The following CSTPP1 variants were observed in gnomAD, a reference collection of about 807,000 sequenced individuals.
CSTPP1 encodes the protein centriolar satellite-associated tubulin polyglutamylase complex regulator 1.
the CSTPP1 span, chr11:46,987,242 A>C: frequency 6.2e-7 from 1 of 1,614,174 alleles, no homozygotes; most frequent in Non-Finnish European, 8.5e-7. Context: ...TGGAGGATGC[A>C]GTGTGCCAGC....
At chr11:47,071,858 G>A in the CSTPP1 span, among the ~76,000 whole-genome samples, 1 of 152,248 alleles carries the variant, frequency 6.6e-6, no homozygotes, top group Non-Finnish European at 1.5e-5. Flanking sequence ...ACTATTTGCT[G>A]TTTGTTTGTG....
At chr11:47,162,436 G>A in the CSTPP1 span, among the ~76,000 whole-genome samples, 1 of 152,184 alleles carries the variant, frequency 6.6e-6, no homozygotes, top group Non-Finnish European at 1.5e-5. Context: ...GCTCACAGCT[G>A]GAACGGCCTT....
chr11:47,157,626 T>A, the CSTPP1 span, among the ~76,000 whole-genome samples: 1 of 140,356 alleles, frequency 7.1e-6, no homozygotes, highest in South Asian at 2.6e-4. Context: ...CCCACCCCGG[T>A]GAAAGCACCA....
the CSTPP1 span, chr11:47,159,583 G>A: frequency 4.4e-6 from 2 of 455,972 alleles, no homozygotes; most frequent in East Asian, 1.4e-4. Context: ...GATCTGCCCT[G>A]GTGTTCTTTC....
At chr11:47,057,227 T>C in the CSTPP1 span, among the ~76,000 whole-genome samples, 1 of 152,298 alleles carries the variant, frequency 6.6e-6, no homozygotes, top group Admixed American at 6.5e-5. Flanking sequence ...CTTCTCACTT[T>C]GCTAATTTTT....
the CSTPP1 span, chr11:47,160,837 C>G: frequency 2.2e-6 from 1 of 452,898 alleles, no homozygotes; most frequent in South Asian, 2.5e-5. Context: ...ACTCCCAGCA[C>G]CAGGTCACAA....
the CSTPP1 span, among the ~76,000 whole-genome samples, chr11:47,094,122 A>G: frequency 3.9e-5 from 6 of 152,216 alleles, no homozygotes; most frequent in Non-Finnish European, 8.8e-5. Flanking sequence ...AACAATTAGA[A>G]TTATCTATAA....
chr11:47,132,122 C>T, the CSTPP1 span, among the ~76,000 whole-genome samples: 1 of 152,176 alleles, frequency 6.6e-6, no homozygotes, highest in African/African-American at 2.4e-5. Context: ...GTTATAGTAC[C>T]TAGCACGTAG....
At chr11:47,142,929 T>C in the CSTPP1 span, among the ~76,000 whole-genome samples, 1 of 152,172 alleles carries the variant, frequency 6.6e-6, no homozygotes, top group African/African-American at 2.4e-5. Context: ...ACCTCAGACC[T>C]TTCTGTCTGA....
the CSTPP1 span, among the ~76,000 whole-genome samples, chr11:47,022,048 T>C: frequency 2.0e-5 from 3 of 152,042 alleles, no homozygotes; most frequent in South Asian, 6.2e-4. Flanking sequence ...TTTTTTTTTT[T>C]TTATCACGTA....
chr11:47,145,144 T>A, the CSTPP1 span, among the ~76,000 whole-genome samples: 1 of 151,842 alleles, frequency 6.6e-6, no homozygotes, highest in African/African-American at 2.4e-5. Context: ...CGCACCACCA[T>A]GCCTGGCTAA....
the CSTPP1 span, among the ~76,000 whole-genome samples, chr11:47,030,238 G>T: frequency 3.3e-5 from 5 of 152,150 alleles, no homozygotes; most frequent in African/African-American, 1.2e-4. Flanking sequence ...AAGAAAAAAA[G>T]GAGACAGGAG....
At chr11:47,138,013 C>CCACA in the CSTPP1 span, 5 of 492,550 alleles carry the variant, frequency 1.0e-5, no homozygotes, top group Admixed American at 3.4e-5. Flanking sequence ...TCCAATACCC[C>CCACA]CACACACACA....
At chr11:47,161,338 C>T in the CSTPP1 span, 1 of 1,585,470 alleles carries the variant, frequency 6.3e-7, no homozygotes, top group Non-Finnish European at 8.6e-7. Context: ...CCTGAGGTGT[C>T]CCTCCCTCTG....
chr11:47,091,505 C>G, the CSTPP1 span, among the ~76,000 whole-genome samples: 2 of 152,082 alleles, frequency 1.3e-5, no homozygotes, highest in African/African-American at 4.8e-5. Flanking sequence ...TGAGGCATGC[C>G]CTTTCTGAGA....
the CSTPP1 span, chr11:46,988,006 A>G: frequency 1.3e-5 from 2 of 152,310 alleles, no homozygotes. Flanking sequence ...TCAAAACTAC[A>G]ATGAGATAAC....
chr11:47,041,801 G>T, the CSTPP1 span: 1 of 487,488 alleles, frequency 2.1e-6, no homozygotes. Flanking sequence ...GAGATGATCA[G>T]AATACTTTCA....
the CSTPP1 span, among the ~76,000 whole-genome samples, chr11:47,064,213 A>G: frequency 5.9e-5 from 9 of 152,026 alleles, no homozygotes; most frequent in Non-Finnish European, 1.3e-4. Flanking sequence ...TATTCTGGAT[A>G]TTCATTCCTT....
chr11:47,135,307 A>G, the CSTPP1 span, among the ~76,000 whole-genome samples: 14 of 152,236 alleles, frequency 9.2e-5, no homozygotes, highest in East Asian at 2.7e-3. Context: ...AACCCTGAGA[A>G]GTGTCAGTGT....
Sources: gnomAD v4.1 joint callset for allele counts (sites outside exome capture counted in the v4.1 genomes callset) on GRCh38, gnomAD v4.1.1 for gene constraint, MANE v1.5 for transcripts, NCBI Gene and HGNC (gene_info 2026-07-23, HGNC 2026-07-21) for gene names.